The following SAE1 variants were observed in gnomAD, a reference collection of about 807,000 sequenced individuals.
The protein encoded by SAE1 is SUMO1 activating enzyme subunit 1, also known as SUMO-activating enzyme subunit 1.
In SAE1, 11 loss-of-function variants were observed where a neutral mutation model predicts 40.6. The observed-to-expected ratio is 0.27, with a 90% CI of 0.17 to 0.45. The LOEUF is 0.45. SAE1 is among the 20% of genes least tolerant of loss of function. The pLI is 1.00. For missense variants in SAE1, 373 were observed against 427.3 expected (o/e 0.87, Z 1.12); for synonymous variants, 155 against 154.3 (o/e 1.00, Z -0.03).
intron 2 of SAE1, among the ~76,000 whole-genome samples, chr19:47,144,283 G>A (rs2058241457): frequency 6.6e-6 from 1 of 152,076 alleles, no homozygotes; most frequent in Non-Finnish European, 1.5e-5. Context: ...GCAGTGAGCT[G>A]AGATGGCACC....
chr19:47,193,080 CAG>C (rs993797131), intron 6 of SAE1, among the ~76,000 whole-genome samples: 1 of 136,802 alleles, frequency 7.3e-6, no homozygotes, highest in Non-Finnish European at 1.5e-5. Context: ...TTTTTGGAGA[CAG>C]AGTCTTGCTC....
chr19:47,169,983 T>C (rs1209125396), intron 6 of SAE1, 60 bp downstream of exon 6: 2 of 1,265,158 alleles, frequency 1.6e-6, no homozygotes, highest in Non-Finnish European at 2.3e-6. Context: ...TCTGCAAATG[T>C]GGTTGCAAGG....
At chr19:47,139,611 A>G (rs1435555064) in intron 1 of SAE1, among the ~76,000 whole-genome samples, 1 of 140,544 alleles carries the variant, frequency 7.1e-6, no homozygotes, top group Non-Finnish European at 1.5e-5. Context: ...TTTTTGAGAC[A>G]GAGTCTCACT....
chr19:47,162,837 C>G (rs567948694), intron 5 of SAE1, among the ~76,000 whole-genome samples: 1 of 152,066 alleles, frequency 6.6e-6, no homozygotes, highest in South Asian at 2.1e-4. Flanking sequence ...ACCAAAAATA[C>G]AAAAATTAGC....
intron 2 of SAE1, among the ~76,000 whole-genome samples, chr19:47,145,449 CATA>C (rs1311339910): frequency 1.3e-5 from 2 of 152,198 alleles, no homozygotes; most frequent in African/African-American, 4.8e-5. Flanking sequence ...CCCCTGCTGA[CATA>C]ATGCTGTTTG....
chr19:47,169,823 G>C lies in SAE1; in HGVS notation c.633G>C (p.Val211=). The change falls in exon 6 of 9, where the codon GTG becomes GTC. Residue 211 remains valine (V), a synonymous_variant. Coordinates refer to ENST00000270225, the MANE Select transcript of SAE1 (RefSeq NM_005500.3). ...GTTCTGCCTTTTTTCCACAGAAGGT[G>C]GTCTTCTGCCCTGTTAAAGAAGCCC... ...SSETTMVKKK[V]VFCPVKEALE... The C allele has an allele frequency of 6.2e-7, 1 of 1,611,482 alleles. No homozygotes were observed. The highest frequency in any genetic ancestry group is 8.5e-7 in the Non-Finnish European group (1 of 1,177,630).
chr19:47,176,973 G>GGTATGGAAAA (rs1228720317), intron 6 of SAE1, among the ~76,000 whole-genome samples: 1 of 152,168 alleles, frequency 6.6e-6, no homozygotes, highest in African/African-American at 2.4e-5. Flanking sequence ...TACCGAGTCT[G>GGTATGGAAAA]GTATGGAAAC....
At chr19:47,158,848 G>A (rs1055670342) in intron 5 of SAE1, among the ~76,000 whole-genome samples, 1 of 152,154 alleles carries the variant, frequency 6.6e-6, no homozygotes, top group African/African-American at 2.4e-5. Flanking sequence ...AGTGGGTAAG[G>A]GCATAGGCTC....
At position 47,209,159 on chromosome 19, in the gene SAE1, G is replaced by A. The variant is rs1424426730; in HGVS notation, c.949G>A (p.Ala317Thr). 7 of 1,613,260 alleles carry A rather than the reference G, an allele frequency of 4.3e-6. No homozygotes were observed. Among genetic ancestry groups the A allele is most frequent in the Non-Finnish European group, 5.1e-6 (6 of 1,179,692 alleles). The change falls in exon 9 of 9, where the codon GCC (alanine) becomes ACC (threonine). Residue 317 changes from alanine (A) to threonine (T), a missense_variant and splice_region_variant. By Grantham distance (58) the Ala-to-Thr change is moderately conservative. This residue lies in a region of SAE1 where 351 missense variants were observed against 390.6 expected (regional missense o/e 0.90). Coordinates refer to ENST00000270225, the MANE Select transcript of SAE1 (RefSeq NM_005500.3). The stretch of plus-strand genomic sequence containing the variant: ...ACCCTCTTTTCATTTTTCTCCCCAG[G>A]CCCTGTCTCAGCGGGACCCTCCTCA... ...GGILAQEIVK[A>T]LSQRDPPHNN...
intron 1 of SAE1, among the ~76,000 whole-genome samples, chr19:47,143,258 A>G (rs2058233292): frequency 6.6e-6 from 1 of 152,072 alleles, no homozygotes; most frequent in African/African-American, 2.4e-5. Flanking sequence ...GGCGCCTGCC[A>G]CTACGCCCAG....
intron 6 of SAE1, among the ~76,000 whole-genome samples, chr19:47,195,329 A>G (rs1419703655): frequency 1.3e-5 from 2 of 152,168 alleles, no homozygotes; most frequent in African/African-American, 4.8e-5. Context: ...TGCTTGGATT[A>G]CAGGCGTGAG....
chr19:47,166,369 G>A (rs1237114705), intron 5 of SAE1, among the ~76,000 whole-genome samples: 1 of 152,162 alleles, frequency 6.6e-6, no homozygotes, highest in African/African-American at 2.4e-5. Context: ...CTTCCAGGTG[G>A]TTATGAAGAA....
At chr19:47,206,636 C>T (rs1419140952) in intron 8 of SAE1, among the ~76,000 whole-genome samples, 2 of 152,162 alleles carry the variant, frequency 1.3e-5, no homozygotes, top group African/African-American at 4.8e-5. Flanking sequence ...AAAGCAGCAG[C>T]CATCCCAGGT....
intron 7 of SAE1, among the ~76,000 whole-genome samples, chr19:47,197,829 G>A (rs1221130853): frequency 6.6e-6 from 1 of 152,216 alleles, no homozygotes. Flanking sequence ...TGCAGTGTGT[G>A]ACCTTGTGTC....
chr19:47,160,533 T>C (rs2058353471), intron 5 of SAE1, among the ~76,000 whole-genome samples: 1 of 151,730 alleles, frequency 6.6e-6, no homozygotes, highest in Admixed American at 6.6e-5. Context: ...TAGCTGGGAC[T>C]ACAGATGCCC....
chr19:47,136,494 C>CT lies in SAE1; in HGVS notation c.98+5484dup, dbSNP rs35463823. The stretch of plus-strand genomic sequence containing the variant: ...AGTGGGATTGCATTTTTACCCGAGT[C>CT]TTTTTTTTTTTTTTTTTTGAGACGG... On this transcript the variant is annotated intron_variant, in intron 1 of 8. Transcript: ENST00000270225. 1.1e-3 allele frequency among the ~76,000 whole-genome samples: 116 copies of CT among 109,578 alleles called. 1 individual carries two copies. Among genetic ancestry groups the CT allele is most frequent in the South Asian group, 1.9e-3 (7 of 3,620 alleles). The allele number at this position is 109,578 out of a possible 152,430, so 71.9% of individuals were successfully genotyped here.
At chr19:47,174,819 T>C (rs372393679) in intron 6 of SAE1, among the ~76,000 whole-genome samples, 2 of 151,990 alleles carry the variant, frequency 1.3e-5, no homozygotes, top group African/African-American at 2.4e-5. Context: ...GTGATCCGCC[T>C]GCCTCAGCCT....
At chr19:47,198,149 G>T (rs1350209581) in intron 7 of SAE1, among the ~76,000 whole-genome samples, 1 of 150,606 alleles carries the variant, frequency 6.6e-6, no homozygotes, top group Non-Finnish European at 1.5e-5. Flanking sequence ...TGCTCTTGTT[G>T]CCCAGGCTGG....
chr19:47,139,706 A>C (rs2058206424), intron 1 of SAE1, among the ~76,000 whole-genome samples: 1 of 145,562 alleles, frequency 6.9e-6, no homozygotes, highest in Non-Finnish European at 1.5e-5. Context: ...CTCCTGTCTC[A>C]GCCTCCCGAG....
Sources: allele counts gnomAD v4.1 joint callset (sites outside exome capture counted in the v4.1 genomes callset), GRCh38; gene constraint gnomAD v4.1.1; regional missense constraint gnomAD v4.1.1; transcripts MANE v1.5; gene names NCBI Gene and HGNC (gene_info 2026-07-23, HGNC 2026-07-21).